NFATC2: variants seen among roughly 807,000 people sequenced by gnomAD.
The protein encoded by NFATC2 is nuclear factor of activated T-cells, cytoplasmic 2.
NFATC2 carries 22 observed loss-of-function variants against 87.3 expected under a neutral mutation model. That is an observed-to-expected ratio of 0.25 (90% CI 0.18 to 0.36). The LOEUF is 0.36. Ranked by LOEUF, NFATC2 falls within the 10% of genes least tolerant of loss-of-function variation. NFATC2 has a pLI of 1.00. For synonymous variants in NFATC2, 565 were observed against 542.2 expected (o/e 1.04, Z -0.58); for missense variants, 1,149 against 1,259.1 (o/e 0.91, Z 1.32).
At chr20:51,547,909 T>C (rs1204910101) in intron 1 of NFATC2, among the ~76,000 whole-genome samples, 1 of 152,170 alleles carries the variant, frequency 6.6e-6, no homozygotes, top group East Asian at 1.9e-4. Flanking sequence ...TATTTCTTAC[T>C]TGGACAACTG....
chr20:51,456,753 A>G (rs1164555458), intron 5 of NFATC2, among the ~76,000 whole-genome samples: 3 of 152,240 alleles, frequency 2.0e-5, no homozygotes, highest in Admixed American at 1.3e-4. Flanking sequence ...GAGCCTGGGC[A>G]GCAACCGCGT....
chr20:51,521,991 A>C (rs1003477288), intron 2 of NFATC2, among the ~76,000 whole-genome samples: 6 of 152,306 alleles, frequency 3.9e-5, no homozygotes, highest in African/African-American at 1.4e-4. Context: ...CTTTGAGTCC[A>C]TGTGGTGTGC....
chr20:51,558,485 G>GC (rs2076996736), intron 1 of NFATC2, among the ~76,000 whole-genome samples: 1 of 145,942 alleles, frequency 6.9e-6, no homozygotes, highest in African/African-American at 2.6e-5. Flanking sequence ...TGGTTTTTTT[G>GC]GGGGGGGGCG....
chr20:51,517,946 A>G (rs1340026024), intron 2 of NFATC2, among the ~76,000 whole-genome samples: 3 of 151,832 alleles, frequency 2.0e-5, no homozygotes, highest in African/African-American at 7.3e-5. Context: ...AAACAGTATT[A>G]TAATCTTACG....
At chr20:51,491,280 A>G (rs1376272056) in intron 3 of NFATC2, among the ~76,000 whole-genome samples, 1 of 151,986 alleles carries the variant, frequency 6.6e-6, no homozygotes, top group Non-Finnish European at 1.5e-5. Flanking sequence ...AAAATGGACA[A>G]GGTTAAAAAA....
intron 3 of NFATC2, among the ~76,000 whole-genome samples, chr20:51,501,771 G>A (rs559512046): frequency 3.9e-5 from 6 of 152,182 alleles, no homozygotes; most frequent in South Asian, 2.1e-4. Context: ...ACGAGAGCTC[G>A]GGATTTTATC....
chr20:51,543,908 C>T (rs1405571277), upstream of NFATC2, among the ~76,000 whole-genome samples: 1 of 151,264 alleles, frequency 6.6e-6, no homozygotes, highest in Non-Finnish European at 1.5e-5. Context: ...ATATTAGAAT[C>T]ACCTGGGACA....
At chr20:51,484,802 G>A (rs557124698) in intron 3 of NFATC2, among the ~76,000 whole-genome samples, 62 of 152,346 alleles carry the variant, frequency 4.1e-4, no homozygotes, top group African/African-American at 1.2e-3. Context: ...CTCCAGGTAT[G>A]ATGAAGAAGG....
intron 1 of NFATC2, among the ~76,000 whole-genome samples, chr20:51,540,292 C>T (rs968275656): frequency 6.6e-6 from 1 of 152,170 alleles, no homozygotes; most frequent in Non-Finnish European, 1.5e-5. Context: ...GGATTACAGG[C>T]GTGAGCCACC....
At chr20:51,448,880 T>C (rs1985427451) in intron 6 of NFATC2, among the ~76,000 whole-genome samples, 1 of 152,158 alleles carries the variant, frequency 6.6e-6, no homozygotes, top group Non-Finnish European at 1.5e-5. Context: ...AATAATATAA[T>C]AATCATTATT....
At position 51,562,565 on chromosome 20, in the gene NFATC2, TCCACAGA is replaced by T; in HGVS notation, c.58_64del (p.Ser20ThrfsTer51). 6.4e-7 allele frequency: 1 copy of T among 1,550,724 alleles called. No homozygotes were observed. The highest frequency in any genetic ancestry group is 8.7e-7 in the Non-Finnish European group (1 of 1,146,302). ...AGGGATCGAGAGTCAGTTACCTTGG[TCCACAGA>T]CCCCATGATGCGGAGGGGATGGCAG... On this transcript the variant is annotated frameshift_variant, in exon 1 of 11. Transcript: ENST00000414705. LOFTEE classifies it high-confidence loss of function. The surrounding 1 kb of genome is among the most constrained non-coding windows in gnomAD (Gnocchi z 5.8).
upstream of NFATC2, among the ~76,000 whole-genome samples, chr20:51,545,653 G>A (rs945193002): frequency 6.6e-6 from 1 of 152,144 alleles, no homozygotes; most frequent in African/African-American, 2.4e-5. Flanking sequence ...ATGGATGGGT[G>A]AATGGAAGAT....
chr20:51,462,280 C>CA (rs56939528), intron 5 of NFATC2, among the ~76,000 whole-genome samples: 8,947 of 128,570 alleles, frequency 0.07, 391 homozygotes, highest in Middle Eastern at 0.16. Flanking sequence ...GCTAATAATA[C>CA]AAAAAAAAAA....
At chr20:51,467,734 C>T (rs1050686964) in intron 5 of NFATC2, among the ~76,000 whole-genome samples, 1 of 152,152 alleles carries the variant, frequency 6.6e-6, no homozygotes, top group South Asian at 2.1e-4. Flanking sequence ...AACTGGAACT[C>T]TCATACATCC....
intron 2 of NFATC2, among the ~76,000 whole-genome samples, chr20:51,517,584 C>A (rs112047722): frequency 9.3e-5 from 14 of 150,682 alleles, no homozygotes; most frequent in African/African-American, 2.2e-4. Context: ...CAGAGTGAGA[C>A]CCTGTCTCAA....
rs1416401073 is a variant in NFATC2 at position 51,504,703 on chromosome 20, A to G, written c.1332+12081T>C. On this transcript the variant is annotated intron_variant, in intron 3 of 10. Coordinates refer to ENST00000371564, the MANE Select transcript of NFATC2 (RefSeq NM_012340.5). ...CTAGGTTTAGTTCGTGGTTCCCCCAATTCCTGTGTAACCTTAGACAAGTTG... is the reference window on the plus strand; with the variant it reads ...CTAGGTTTAGTTCGTGGTTCCCCCAGTTCCTGTGTAACCTTAGACAAGTTG... Among the ~76,000 whole-genome samples, 3 of 152,168 alleles carry G rather than the reference A, an allele frequency of 2.0e-5. No individual in the cohort carries two copies. In the East Asian group the frequency reaches 5.8e-4, roughly 29 times the overall value.
At chr20:51,422,103 G>A (rs1981013384) in intron 9 of NFATC2, among the ~76,000 whole-genome samples, 2 of 152,190 alleles carry the variant, frequency 1.3e-5, no homozygotes, top group South Asian at 4.1e-4. Flanking sequence ...TCCTGGGATA[G>A]TGGAACTAAC....
At chr20:51,461,275 G>A (rs1569008922) in intron 5 of NFATC2, among the ~76,000 whole-genome samples, 1 of 152,120 alleles carries the variant, frequency 6.6e-6, no homozygotes, top group Non-Finnish European at 1.5e-5. Flanking sequence ...CTCCTCATCA[G>A]CCCCCCTTTC....
intron 1 of NFATC2, among the ~76,000 whole-genome samples, chr20:51,551,492 C>T (rs1198169139): frequency 1.3e-5 from 2 of 151,988 alleles, no homozygotes; most frequent in African/African-American, 4.8e-5. Context: ...CAGCTTCAAC[C>T]TCCCCAGCTC....
Sources: gnomAD v4.1 joint callset for allele counts (sites outside exome capture counted in the v4.1 genomes callset) on GRCh38, gnomAD v4.1.1 for gene constraint, Gnocchi (gnomAD v3.1) non-coding constraint, MANE v1.5 for transcripts, NCBI Gene and HGNC (gene_info 2026-07-23, HGNC 2026-07-21) for gene names.